ANKMY2: variants seen among roughly 807,000 people sequenced by gnomAD.
ANKMY2 encodes ankyrin repeat and MYND domain containing 2.
ANKMY2 carries 36 observed loss-of-function variants against 50.4 expected under a neutral mutation model. The ratio of observed to expected loss-of-function variants is 0.71; its 90% confidence interval spans 0.55 to 0.94. The LOEUF is 0.94. ANKMY2 is among the 40% of genes least tolerant of loss of function. ANKMY2 has a pLI of 0.00. For missense variants in ANKMY2, 565 were observed against 524.0 expected (o/e 1.08, Z -0.76); for synonymous variants, 187 against 178.8 (o/e 1.05, Z -0.36).
At chr7:16,612,310 C>G (rs1417214678) in intron 5 of ANKMY2, among the ~76,000 whole-genome samples, 1 of 152,162 alleles carries the variant, frequency 6.6e-6, no homozygotes, top group African/African-American at 2.4e-5. Flanking sequence ...GATTAAATGT[C>G]CTTGTAAAAT....
intron 1 of ANKMY2, among the ~76,000 whole-genome samples, chr7:16,640,390 G>C (rs931883192): frequency 6.6e-6 from 1 of 152,046 alleles, no homozygotes. Context: ...TCGGGAACAC[G>C]GGTCTCTACC....
At chr7:16,606,788 A>G (rs1338160191) in intron 7 of ANKMY2, among the ~76,000 whole-genome samples, 3 of 152,348 alleles carry the variant, frequency 2.0e-5, no homozygotes, top group Non-Finnish European at 4.4e-5. Context: ...TTTTAAAAGT[A>G]GCACTCATTT....
At chr7:16,607,891 T>A (rs1323132849) in intron 7 of ANKMY2, among the ~76,000 whole-genome samples, 1 of 151,688 alleles carries the variant, frequency 6.6e-6, no homozygotes, top group East Asian at 1.9e-4. Flanking sequence ...AAAAAAAAAA[T>A]TTTCCTGGAC....
chr7:16,604,579 T>A, intron 8 of ANKMY2, 142 bp downstream of exon 8: 1 of 1,126,174 alleles, frequency 8.9e-7, no homozygotes, highest in Non-Finnish European at 1.2e-6. Flanking sequence ...CAAAACTACT[T>A]TTTAAGTATT....
intron 5 of ANKMY2, among the ~76,000 whole-genome samples, chr7:16,611,692 T>C (rs11772957): frequency 0.14 from 21,667 of 152,150 alleles, 1,663 homozygotes; most frequent in East Asian, 0.22. Flanking sequence ...TTGAACCGGA[T>C]TGAGAACTTG....
At chr7:16,644,779 C>T (rs1781803283) in intron 1 of ANKMY2, 1 of 467,270 alleles carries the variant, frequency 2.1e-6, no homozygotes. Flanking sequence ...CGGGGCTCCC[C>T]GCTGGGACTC....
intron 3 of ANKMY2, among the ~76,000 whole-genome samples, chr7:16,625,909 G>A (rs547878560): frequency 4.8e-4 from 72 of 149,780 alleles, no homozygotes; most frequent in South Asian, 1.1e-3. Context: ...TCAGCCAGTG[G>A]TATTTCTTTT....
intron 1 of ANKMY2, 29 bp downstream of exon 1, chr7:16,645,478 G>T: frequency 6.3e-7 from 1 of 1,587,656 alleles, no homozygotes. Flanking sequence ...CAGGCTGGCC[G>T]CGGCCGCGTC....
intron 5 of ANKMY2, among the ~76,000 whole-genome samples, chr7:16,613,457 A>G (rs1781289744): frequency 6.6e-6 from 1 of 152,320 alleles, no homozygotes; most frequent in South Asian, 2.1e-4. Context: ...GGTGGATAAA[A>G]GAAAAGGTTT....
At chr7:16,612,447 C>T (rs1022928911) in intron 5 of ANKMY2, among the ~76,000 whole-genome samples, 1 of 152,132 alleles carries the variant, frequency 6.6e-6, no homozygotes, top group Non-Finnish European at 1.5e-5. Context: ...TTATTGATAA[C>T]TCTCTCTACC....
chr7:16,641,719 T>G (rs73312733), intron 1 of ANKMY2, among the ~76,000 whole-genome samples: 3 of 152,216 alleles, frequency 2.0e-5, no homozygotes, highest in Admixed American at 2.0e-4. Context: ...GAAAATAAGC[T>G]ACATACTATT....
chr7:16,644,912 T>G lies in ANKMY2; in HGVS notation c.67+595A>C, dbSNP rs138514202. ...GGGTGTGGAGGCCTCGCCAATTTCC[T>G]TGTCTCTCTAGGGTTCCTGAGGCTG... is the stretch of plus-strand genomic sequence containing the variant. On this transcript the variant is annotated intron_variant, in intron 1 of 9. Coordinates refer to ENST00000306999, the MANE Select transcript of ANKMY2 (RefSeq NM_020319.3). The G allele has an allele frequency of 5.7e-4, 200 of 348,316 alleles. 1 individual carries two copies. Among genetic ancestry groups the G allele is most frequent in the African/African-American group, 4.1e-3 (191 of 46,158 alleles). 21.6% of individuals were successfully genotyped at this position (348,316 alleles called of 1,614,324 possible). A position where few individuals can be genotyped will look rare whatever the true frequency, so the allele number is the denominator to read the frequency against.
rs1301580910 is a variant in ANKMY2 at position 16,604,859 on chromosome 7, G to T, written c.883-10C>A. 2.5e-6 allele frequency: 4 copies of T among 1,595,750 alleles called. No individual in the cohort carries two copies. Among genetic ancestry groups the T allele is most frequent in the Non-Finnish European group, 3.4e-6 (4 of 1,171,688 alleles). On this transcript the variant is annotated splice_polypyrimidine_tract_variant and intron_variant, in intron 7 of 9. Coordinates refer to ENST00000306999, the MANE Select transcript of ANKMY2 (RefSeq NM_020319.3). Reference sequence around the variant, plus strand: ...CAGTGGGATCAGAACCCTAGAGTGGGCATGAAGAGGAGAAAAAACAAATTC... The same window carrying T: ...CAGTGGGATCAGAACCCTAGAGTGGTCATGAAGAGGAGAAAAAACAAATTC...
intron 8 of ANKMY2, among the ~76,000 whole-genome samples, chr7:16,603,092 T>G (rs1289430276): frequency 6.6e-6 from 1 of 152,246 alleles, no homozygotes; most frequent in Non-Finnish European, 1.5e-5. Flanking sequence ...GATTTATAGT[T>G]TGTAGCTTTA....
chr7:16,643,167 G>A (rs1031667212), intron 1 of ANKMY2, among the ~76,000 whole-genome samples: 1 of 152,258 alleles, frequency 6.6e-6, no homozygotes, highest in African/African-American at 2.4e-5. Flanking sequence ...AGGACTTGAG[G>A]CTCAGGAAAA....
At chr7:16,616,033 G>C in intron 4 of ANKMY2, 129 bp from the exon 5 acceptor site, 1 of 839,774 alleles carries the variant, frequency 1.2e-6, no homozygotes. Flanking sequence ...CAGGAAAGGA[G>C]AGTAGAGGAG....
rs765963610 is a variant in ANKMY2, at chr7:16,600,671, A to G, written c.*90T>C. 5.2e-6 allele frequency: 6 copies of G among 1,143,612 alleles called. No individual in the cohort carries two copies. The highest frequency in any genetic ancestry group is 7.1e-6 in the Non-Finnish European group (6 of 844,184). The allele number at this position is 1,143,612 out of a possible 1,614,324, so 70.8% of individuals were successfully genotyped here. On this transcript the variant is annotated 3_prime_UTR_variant, in exon 10 of 10. Transcript: ENST00000306999. ...GTGGAATCCTGCCATGGTGCCACGC[A>G]GGTATAACAAGGTGAGGACAATGCA... is the stretch of plus-strand genomic sequence containing the variant.
intron 4 of ANKMY2, among the ~76,000 whole-genome samples, chr7:16,619,397 G>A (rs985014965): frequency 1.8e-4 from 27 of 151,992 alleles, no homozygotes; most frequent in African/African-American, 5.6e-4. Context: ...CAGGTGATCC[G>A]CCCGCCTTGG....
At chr7:16,602,764 C>T (rs1211235766) in intron 8 of ANKMY2, among the ~76,000 whole-genome samples, 1 of 152,148 alleles carries the variant, frequency 6.6e-6, no homozygotes, top group African/African-American at 2.4e-5. Flanking sequence ...CAGTTTAGCA[C>T]CCTTCCCTTG....
Sources: allele counts gnomAD v4.1 joint callset (sites outside exome capture counted in the v4.1 genomes callset), GRCh38; gene constraint gnomAD v4.1.1; transcripts MANE v1.5; gene names NCBI Gene and HGNC (gene_info 2026-07-23, HGNC 2026-07-21).